ZNF469: variants seen among roughly 807,000 people sequenced by gnomAD.
The protein encoded by ZNF469 is zinc finger protein 469.
A neutral mutation model predicts 1.0 loss-of-function variants in ZNF469; 1 was observed. That is an observed-to-expected ratio of 1.00 (90% CI 0.35 to 4.73). The LOEUF (loss-of-function observed/expected upper bound fraction) is 4.73. Ranked by LOEUF, ZNF469 falls within the 30% of genes most tolerant of loss-of-function variation. ZNF469 has a pLI of 0.16. For missense variants in ZNF469, 6,100 were observed against 5,356.3 expected, an observed-to-expected ratio of 1.14 and a Z score of -4.33; for synonymous variants, 2,703 against 2,363.4, an observed-to-expected ratio of 1.14 and a Z score of -4.17.
chr16:88,354,047 C>A, the ZNF469 span, among the ~76,000 whole-genome samples: 1 of 152,234 alleles, frequency 6.6e-6, no homozygotes, highest in Non-Finnish European at 1.5e-5. Context: ...GGGCCAGGGA[C>A]CGTGTTGCCA....
At chr16:88,167,313 C>T in the ZNF469 span, among the ~76,000 whole-genome samples, 3 of 152,124 alleles carry the variant, frequency 2.0e-5, no homozygotes, top group African/African-American at 4.8e-5. Flanking sequence ...CCGCCCGCCT[C>T]GGCCTCTCAA....
At chr16:88,396,930 G>GAAGGGAGGCCGGGAGGAGACCCA (rs1567500210) in intron 1 of ZNF469, among the ~76,000 whole-genome samples, 1 of 37,186 alleles carries the variant, frequency 2.7e-5, no homozygotes, top group Non-Finnish European at 5.7e-5. Context: ...GAGGAGACCC[G>GAAGGGAGGCCGGGAGGAGACCCA]TCTGAAGGGA....
the ZNF469 span, among the ~76,000 whole-genome samples, chr16:88,206,673 T>G: frequency 6.6e-6 from 1 of 151,702 alleles, no homozygotes; most frequent in Non-Finnish European, 1.5e-5. Flanking sequence ...CCCTGCGTCT[T>G]TCTTTCTTTT....
chr16:88,162,658 A>G, the ZNF469 span, among the ~76,000 whole-genome samples: 1 of 136,896 alleles, frequency 7.3e-6, no homozygotes, highest in African/African-American at 2.5e-5. Flanking sequence ...TATCTTAACA[A>G]TTCTTTTTAG....
chr16:88,131,884 G>A, the ZNF469 span, among the ~76,000 whole-genome samples: 3 of 151,894 alleles, frequency 2.0e-5, no homozygotes, highest in Non-Finnish European at 4.4e-5. Flanking sequence ...GGCTTGGGGC[G>A]CCCACCTGCC....
At chr16:88,344,873 C>T in the ZNF469 span, among the ~76,000 whole-genome samples, 3 of 152,344 alleles carry the variant, frequency 2.0e-5, no homozygotes, top group African/African-American at 4.8e-5. Context: ...GTGTCGAACC[C>T]GTCAGGTCGC....
the ZNF469 span, among the ~76,000 whole-genome samples, chr16:88,274,664 C>T: frequency 6.6e-6 from 1 of 152,200 alleles, no homozygotes; most frequent in African/African-American, 2.4e-5. Context: ...CTTGCTTGCT[C>T]ATTTTTCTGT....
chr16:88,226,015 G>T, the ZNF469 span, among the ~76,000 whole-genome samples: 1 of 152,204 alleles, frequency 6.6e-6, no homozygotes, highest in African/African-American at 2.4e-5. Flanking sequence ...GCCCCAGGAT[G>T]GTCGCCCCCC....
chr16:88,412,988 C>A (rs1905214801), intron 1 of ZNF469, among the ~76,000 whole-genome samples: 2 of 152,018 alleles, frequency 1.3e-5, no homozygotes, highest in South Asian at 2.1e-4. Flanking sequence ...AGCCCTGCGA[C>A]CCCCACCTGA....
chr16:88,374,343 G>A, the ZNF469 span, among the ~76,000 whole-genome samples: 2 of 152,248 alleles, frequency 1.3e-5, no homozygotes, highest in African/African-American at 4.8e-5. Context: ...GGCAGCAAGG[G>A]AGAGGATTCC....
At chr16:88,132,419 G>A in the ZNF469 span, among the ~76,000 whole-genome samples, 4,958 of 151,888 alleles carry the variant, frequency 0.033, no homozygotes, top group African/African-American at 0.11. Context: ...AGAGCGCCGC[G>A]TAGCCGGCGG....
the ZNF469 span, among the ~76,000 whole-genome samples, chr16:88,253,254 G>A: frequency 6.6e-6 from 1 of 152,230 alleles, no homozygotes; most frequent in Admixed American, 6.5e-5. Context: ...GGGTCGCTGA[G>A]CAGAAGACAT....
intron 1 of ZNF469, among the ~76,000 whole-genome samples, chr16:88,411,486 G>T (rs1905162538): frequency 2.0e-4 from 1 of 4,920 alleles, no homozygotes; most frequent in African/African-American, 3.2e-4. Context: ...GCAGGCAGGG[G>T]TGCGAGCGGG....
intron 1 of ZNF469, among the ~76,000 whole-genome samples, chr16:88,396,900 C>A (rs1157010307): frequency 6.7e-6 from 1 of 149,260 alleles, no homozygotes; most frequent in Non-Finnish European, 1.5e-5. Flanking sequence ...CGGGTGGAGA[C>A]CCTCATGAAG....
chr16:88,270,487 G>A, the ZNF469 span, among the ~76,000 whole-genome samples: 1 of 152,228 alleles, frequency 6.6e-6, no homozygotes, highest in African/African-American at 2.4e-5. Flanking sequence ...ACTCCACATG[G>A]CTGCTCAGGG....
the ZNF469 span, among the ~76,000 whole-genome samples, chr16:88,193,010 T>G: frequency 5.0e-3 from 34 of 6,742 alleles, no homozygotes; most frequent in African/African-American, 0.01. Flanking sequence ...GTGATGGTGG[T>G]GATGGTGGTG....
At chr16:88,112,374 C>T in the ZNF469 span, among the ~76,000 whole-genome samples, 11 of 152,330 alleles carry the variant, frequency 7.2e-5, no homozygotes, top group African/African-American at 2.2e-4. Flanking sequence ...TTCTCCACAG[C>T]GGCTGTATTA....
rs1417540396 is a variant in ZNF469 at position 88,436,571 on chromosome 16, G to A, written c.9101G>A (p.Gly3034Glu). Residue 3034 changes from glycine to glutamate, a missense_variant, in exon 3 of 3, where the codon GGG becomes GAG. Transcript: ENST00000565624. ...ERERCDGGLP[G>E]NTHLLPLRAT... Reference sequence around the variant, plus strand: ...GAACGCTGTGACGGTGGGCTTCCCGGGAACACCCACCTGCTGCCGCTCCGT... The same window carrying A: ...GAACGCTGTGACGGTGGGCTTCCCGAGAACACCCACCTGCTGCCGCTCCGT... 6 of 1,542,130 alleles carry A rather than the reference G, an allele frequency of 3.9e-6. No homozygotes were observed. Among genetic ancestry groups the A allele is most frequent in the Non-Finnish European group, 5.3e-6 (6 of 1,141,572 alleles).
chr16:88,206,468 G>A, the ZNF469 span, among the ~76,000 whole-genome samples: 3 of 152,138 alleles, frequency 2.0e-5, no homozygotes, highest in Non-Finnish European at 2.9e-5. Flanking sequence ...GCTCAGTTTC[G>A]GAAATGGGAA....
Sources: gnomAD v4.1 joint callset for allele counts (sites outside exome capture counted in the v4.1 genomes callset) on GRCh38, gnomAD v4.1.1 for gene constraint, MANE v1.5 for transcripts, NCBI Gene and HGNC (gene_info 2026-07-23, HGNC 2026-07-21) for gene names.